CNTN5: variants seen among roughly 807,000 people sequenced by gnomAD.
CNTN5 encodes contactin-5.
Under a neutral mutation model 129.1 loss-of-function variants are expected in CNTN5, and 77 were observed. The observed-to-expected ratio is 0.60, with a 90% CI of 0.50 to 0.72. CNTN5 has a LOEUF of 0.72. CNTN5 is among the 30% of genes least tolerant of loss of function. The pLI is 0.00. For missense variants in CNTN5, 1,478 were observed against 1,328.8 expected, an observed-to-expected ratio of 1.11 and a Z score of -1.75; for synonymous variants, 509 against 465.6, an observed-to-expected ratio of 1.09 and a Z score of -1.20.
intron 1 of CNTN5, among the ~76,000 whole-genome samples, chr11:99,148,415 G>A (rs1472128749): frequency 6.6e-6 from 1 of 152,062 alleles, no homozygotes; most frequent in Non-Finnish European, 1.5e-5. Context: ...AAGAGACTGA[G>A]ACAACTCTAT....
intron 2 of CNTN5, among the ~76,000 whole-genome samples, chr11:99,346,528 G>A (rs922451378): frequency 6.6e-6 from 1 of 152,174 alleles, no homozygotes; most frequent in African/African-American, 2.4e-5. Flanking sequence ...GGAGGTGTCA[G>A]CTCTCCCACA....
At chr11:99,814,534 T>C (rs1946522461) in intron 3 of CNTN5, among the ~76,000 whole-genome samples, 1 of 152,074 alleles carries the variant, frequency 6.6e-6, no homozygotes. Flanking sequence ...ACAGAGTGTG[T>C]CGACAGTTGG....
At chr11:100,075,262 A>T (rs1944081899) in intron 13 of CNTN5, among the ~76,000 whole-genome samples, 1 of 152,082 alleles carries the variant, frequency 6.6e-6, no homozygotes, top group East Asian at 1.9e-4. Flanking sequence ...TCTATTTCAG[A>T]TTAAACAATT....
In CNTN5 at chr11:99,167,867, A is replaced by C. The variant is rs574602315; in HGVS notation, c.-210+146597A>C. On this transcript the variant is annotated intron_variant, in intron 1 of 24. Coordinates refer to ENST00000524871, the MANE Select transcript of CNTN5 (RefSeq NM_014361.4). ...GCTTGAATATCAACAGCTATATGTA[A>C]TATTCACAACATAAAATTTAAAAAA... 5.3e-5 allele frequency among the ~76,000 whole-genome samples: 8 copies of C among 152,276 alleles called. No individual in the cohort carries two copies. In the South Asian group the frequency reaches 1.7e-3, roughly 32 times the overall value.
intron 3 of CNTN5, among the ~76,000 whole-genome samples, chr11:99,626,898 G>A (rs1951152913): frequency 6.6e-6 from 1 of 151,996 alleles, no homozygotes; most frequent in Non-Finnish European, 1.5e-5. Flanking sequence ...CTGTATAATT[G>A]CACAATGATC....
intron 3 of CNTN5, among the ~76,000 whole-genome samples, chr11:99,564,017 C>A (rs1375817898): frequency 6.6e-6 from 1 of 152,148 alleles, no homozygotes; most frequent in Non-Finnish European, 1.5e-5. Flanking sequence ...ATTTTTTACT[C>A]TAACACATAT....
chr11:100,149,966 G>A (rs915231898), intron 13 of CNTN5, among the ~76,000 whole-genome samples: 9 of 151,180 alleles, frequency 6.0e-5, no homozygotes, highest in African/African-American at 2.2e-4. Flanking sequence ...TTTATGTAGT[G>A]CACATTTAAG....
At chr11:99,264,334 A>G (rs780371852) in intron 1 of CNTN5, among the ~76,000 whole-genome samples, 12 of 151,978 alleles carry the variant, frequency 7.9e-5, no homozygotes, top group Non-Finnish European at 1.8e-4. Flanking sequence ...GCACTTAATT[A>G]TAATTTTATT....
At chr11:100,214,940 G>A (rs1949108108) in intron 15 of CNTN5, among the ~76,000 whole-genome samples, 1 of 152,164 alleles carries the variant, frequency 6.6e-6, no homozygotes, top group African/African-American at 2.4e-5. Context: ...GTAGCCAAAT[G>A]GCTGGAGATG....
chr11:99,634,062 G>A (rs1454993832), intron 3 of CNTN5, among the ~76,000 whole-genome samples: 1 of 152,138 alleles, frequency 6.6e-6, no homozygotes, highest in Non-Finnish European at 1.5e-5. Context: ...GAGATCCTCG[G>A]GTTTGTGTTT....
At chr11:99,886,347 T>C (rs910863309) in intron 6 of CNTN5, among the ~76,000 whole-genome samples, 2 of 152,066 alleles carry the variant, frequency 1.3e-5, no homozygotes, top group Admixed American at 1.3e-4. Context: ...AATTAAAATA[T>C]GTGTAAGTAT....
intron 3 of CNTN5, among the ~76,000 whole-genome samples, chr11:99,813,513 A>G (rs965895905): frequency 6.6e-6 from 1 of 152,126 alleles, no homozygotes; most frequent in Non-Finnish European, 1.5e-5. Flanking sequence ...GTTTTGTTTT[A>G]CTAAAAGTAG....
intron 21 of CNTN5, among the ~76,000 whole-genome samples, chr11:100,309,943 G>T (rs1230499876): frequency 2.0e-5 from 3 of 151,856 alleles, no homozygotes; most frequent in Non-Finnish European, 4.4e-5. Context: ...ACTGATACTT[G>T]TCTCTTACCT....
At chr11:99,093,883 A>T (rs1213105839) in intron 1 of CNTN5, among the ~76,000 whole-genome samples, 1 of 151,992 alleles carries the variant, frequency 6.6e-6, no homozygotes. Flanking sequence ...TGACTTTCAA[A>T]TTAGTGCCCT....
At chr11:99,617,618 A>G (rs968008084) in intron 3 of CNTN5, among the ~76,000 whole-genome samples, 1 of 152,180 alleles carries the variant, frequency 6.6e-6, no homozygotes, top group Non-Finnish European at 1.5e-5. Context: ...TGAGATCCCT[A>G]TAGTTCTAGA....
intron 17 of CNTN5, among the ~76,000 whole-genome samples, chr11:100,267,746 C>T (rs376482464): frequency 2.6e-5 from 4 of 151,992 alleles, no homozygotes; most frequent in Non-Finnish European, 5.9e-5. Context: ...GGGTTTTCAC[C>T]GTCAGAGAAA....
chr11:100,237,204 A>AG (rs1172031366), intron 16 of CNTN5, among the ~76,000 whole-genome samples: 90 of 149,170 alleles, frequency 6.0e-4, no homozygotes, highest in Middle Eastern at 7.0e-3. Flanking sequence ...AAAAAAAAAA[A>AG]AAAAGAAAAG....
intron 18 of CNTN5, among the ~76,000 whole-genome samples, chr11:100,273,378 G>A (rs922065110): frequency 5.9e-5 from 9 of 152,088 alleles, no homozygotes; most frequent in African/African-American, 1.7e-4. Flanking sequence ...TGCTTTCCTT[G>A]CCCTGACAGC....
intron 3 of CNTN5, among the ~76,000 whole-genome samples, chr11:99,793,087 T>G (rs2135444691): frequency 6.6e-6 from 1 of 151,750 alleles, no homozygotes; most frequent in East Asian, 1.9e-4. Context: ...TTCGACACAG[T>G]CTCACTCTGT....
Sources: gnomAD v4.1 joint callset for allele counts (sites outside exome capture counted in the v4.1 genomes callset) on GRCh38, gnomAD v4.1.1 for gene constraint, MANE v1.5 for transcripts, NCBI Gene and HGNC (gene_info 2026-07-23, HGNC 2026-07-21) for gene names.